The following STK33 variants were observed in gnomAD, a reference collection of about 807,000 sequenced individuals.
STK33 encodes serine/threonine-protein kinase 33.
In STK33, 52 loss-of-function variants were observed where a neutral mutation model predicts 58.0. The observed-to-expected ratio is 0.90, with a 90% CI of 0.72 to 1.13. The LOEUF (loss-of-function observed/expected upper bound fraction) is 1.13. STK33 is among the 50% of genes most tolerant of loss of function. The pLI is 0.00. For missense variants in STK33, 630 were observed against 604.2 expected (o/e 1.04, Z -0.45); for synonymous variants, 215 against 200.1 (o/e 1.07, Z -0.63).
intron 14 of STK33, among the ~76,000 whole-genome samples, chr11:8,424,202 T>C (rs1167484227): frequency 2.7e-5 from 4 of 145,564 alleles, no homozygotes; most frequent in Non-Finnish European, 4.5e-5. Flanking sequence ...AGTGTTCTCA[T>C]TGTTCAGTTC....
intron 1 of STK33, among the ~76,000 whole-genome samples, chr11:8,538,581 G>C (rs1164997000): frequency 6.6e-6 from 1 of 152,112 alleles, no homozygotes; most frequent in Non-Finnish European, 1.5e-5. Context: ...AGATTACTTT[G>C]TTGCCACTAA....
At chr11:8,402,300 T>A (rs959177642) in intron 15 of STK33, among the ~76,000 whole-genome samples, 2 of 152,038 alleles carry the variant, frequency 1.3e-5, no homozygotes, top group Non-Finnish European at 2.9e-5. Context: ...AAATGATGAG[T>A]TCATGTCCTT....
At chr11:8,449,578 A>G (rs1946002675) in intron 11 of STK33, among the ~76,000 whole-genome samples, 1 of 145,042 alleles carries the variant, frequency 6.9e-6, no homozygotes, top group Non-Finnish European at 1.5e-5. Context: ...TGGGAATTGA[A>G]CGATGAGAAC....
the STK33 span, among the ~76,000 whole-genome samples, chr11:8,361,376 G>A: frequency 2.0e-5 from 3 of 152,072 alleles, no homozygotes; most frequent in South Asian, 2.1e-4. The surrounding 1 kb of genome is among the most constrained non-coding windows in gnomAD (Gnocchi z 4.8). Flanking sequence ...ATTCCACATC[G>A]AGCCTTTCCT....
the STK33 span, among the ~76,000 whole-genome samples, chr11:8,344,098 ACCAAC>A: frequency 6.6e-6 from 1 of 152,102 alleles, no homozygotes; most frequent in Non-Finnish European, 1.5e-5. Context: ...CGCCTAGAAT[ACCAAC>A]ACTCTGGGAG....
intron 11 of STK33, 118 bp from the exon 12 acceptor site, chr11:8,440,871 G>C: frequency 1.0e-6 from 1 of 974,012 alleles, no homozygotes; most frequent in East Asian, 2.7e-5. Flanking sequence ...ATAGGGAAAA[G>C]AGAACCAACA....
Position 8,555,783 on chromosome 11 carries a change from G to A in STK33, c.-466+38300C>T, listed in dbSNP as rs111643134. On this transcript the variant is annotated intron_variant, in intron 1 of 15. Coordinates refer to ENST00000687296, the MANE Select transcript of STK33 (RefSeq NM_001352389.2). ...GCTTGATTTAATCACTCCATGCTGT[G>A]TGCATGTATCAAAACATCACATTCT... Among the ~76,000 whole-genome samples the A allele has an allele frequency of 1.0e-3, 158 of 152,224 alleles. 1 individual carries two copies. Among genetic ancestry groups the A allele is most frequent in the African/African-American group, 3.5e-3 (147 of 41,534 alleles).
chr11:8,426,914 A>G (rs1031409274), intron 14 of STK33, among the ~76,000 whole-genome samples: 1 of 151,916 alleles, frequency 6.6e-6, no homozygotes, highest in African/African-American at 2.4e-5. Flanking sequence ...GCACACTTTC[A>G]TGTGCTGCTC....
chr11:8,351,529 C>T, the STK33 span, among the ~76,000 whole-genome samples: 1 of 152,220 alleles, frequency 6.6e-6, no homozygotes, highest in Admixed American at 6.5e-5. Flanking sequence ...CTGGTGTTAT[C>T]AGCACCACAG....
chr11:8,539,081 A>G (rs1246341485), intron 1 of STK33, among the ~76,000 whole-genome samples: 1 of 152,218 alleles, frequency 6.6e-6, no homozygotes, highest in Non-Finnish European at 1.5e-5. Context: ...TCCAAGAAGT[A>G]TCAGCTCCAG....
At chr11:8,443,249 A>G (rs973478479) in intron 11 of STK33, among the ~76,000 whole-genome samples, 20 of 152,206 alleles carry the variant, frequency 1.3e-4, no homozygotes, top group Non-Finnish European at 2.1e-4. Flanking sequence ...AAAATATCAC[A>G]TTTCATTTAA....
intron 11 of STK33, among the ~76,000 whole-genome samples, chr11:8,451,736 A>T (rs77795506): frequency 0.048 from 7,297 of 152,262 alleles, 251 homozygotes; most frequent in Non-Finnish European, 0.065. Flanking sequence ...GTAAAACAAA[A>T]ATATATCCTA....
the STK33 span, among the ~76,000 whole-genome samples, chr11:8,348,679 G>A: frequency 4.2e-4 from 64 of 152,174 alleles, 2 homozygotes; most frequent in Non-Finnish European, 1.3e-4. Context: ...TGTAAAAGGA[G>A]CTTTAGGAAC....
intron 1 of STK33, among the ~76,000 whole-genome samples, chr11:8,566,248 T>C (rs1432856590): frequency 2.0e-5 from 3 of 152,228 alleles, no homozygotes; most frequent in Admixed American, 2.0e-4. Flanking sequence ...ACCCTCAGTT[T>C]CTGCATCTTA....
chr11:8,505,095 GA>G (rs1951776914), intron 1 of STK33, among the ~76,000 whole-genome samples: 1 of 152,126 alleles, frequency 6.6e-6, no homozygotes, highest in African/African-American at 2.4e-5. Flanking sequence ...CTGGAAAGGT[GA>G]TTGCTAAATA....
At chr11:8,478,580 TACA>T (rs1949501485) in intron 2 of STK33, among the ~76,000 whole-genome samples, 1 of 152,184 alleles carries the variant, frequency 6.6e-6, no homozygotes, top group East Asian at 1.9e-4. Context: ...AAGATACACT[TACA>T]GCAATTTCCT....
intron 15 of STK33, among the ~76,000 whole-genome samples, chr11:8,399,117 C>T (rs1357167395): frequency 6.6e-6 from 1 of 152,126 alleles, no homozygotes; most frequent in African/African-American, 2.4e-5. Flanking sequence ...CCAAGTGGAC[C>T]TAATAGACTT....
chr11:8,364,960 T>C, the STK33 span, among the ~76,000 whole-genome samples: 1 of 139,068 alleles, frequency 7.2e-6, no homozygotes, highest in Non-Finnish European at 1.6e-5. Context: ...CAAATCCCTA[T>C]GCTCACAAAG....
intron 14 of STK33, among the ~76,000 whole-genome samples, chr11:8,422,982 G>A (rs761961632): frequency 8.7e-5 from 13 of 149,872 alleles, no homozygotes; most frequent in South Asian, 4.2e-4. Context: ...AAACTCAGCC[G>A]GGCATGGGCC....
Sources: allele counts gnomAD v4.1 joint callset (sites outside exome capture counted in the v4.1 genomes callset), GRCh38; gene constraint gnomAD v4.1.1; non-coding constraint Gnocchi (gnomAD v3.1); transcripts MANE v1.5; gene names NCBI Gene and HGNC (gene_info 2026-07-23, HGNC 2026-07-21).